The following ADAM23 variants were observed in gnomAD, a reference collection of about 807,000 sequenced individuals.
ADAM23 encodes the protein disintegrin and metalloproteinase domain-containing protein 23.
Under a neutral mutation model 120.1 loss-of-function variants are expected in ADAM23, and 33 were observed. The ratio of observed to expected loss-of-function variants is 0.27; its 90% CI spans 0.21 to 0.37. The LOEUF is 0.37. Ranked by LOEUF, ADAM23 falls within the 10% of genes least tolerant of loss-of-function variation. The pLI is 1.00. For missense variants in ADAM23, 862 were observed against 1,058.2 expected (o/e 0.81, Z 2.57); for synonymous variants, 367 against 375.2 (o/e 0.98, Z 0.25).
chr2:206,528,662 T>C (rs759587632), intron 3 of ADAM23, among the ~76,000 whole-genome samples: 1 of 152,190 alleles, frequency 6.6e-6, no homozygotes, highest in African/African-American at 2.4e-5. Context: ...GCAAAATCAT[T>C]GAGTCCTCCC....
chr2:206,482,282 T>C (rs1430454155), intron 3 of ADAM23, among the ~76,000 whole-genome samples: 1 of 152,208 alleles, frequency 6.6e-6, no homozygotes, highest in East Asian at 1.9e-4. Flanking sequence ...GAATTGCCTA[T>C]GTAAAGGTAT....
intron 15 of ADAM23, among the ~76,000 whole-genome samples, chr2:206,568,324 T>C (rs558706868): frequency 1.3e-5 from 2 of 152,344 alleles, no homozygotes; most frequent in African/African-American, 4.8e-5. Flanking sequence ...CCCTTATTCG[T>C]GTATTCTTAA....
In ADAM23 at chr2:206,578,629, G is replaced by C. The variant is rs1484019122; in HGVS notation, c.1737+5434G>C. ...TTCTTTATCCACTCATTGATTGATG[G>C]GCATTTGGGTTGGTTGATGGTCATT... On this transcript the variant is annotated intron_variant, in intron 18 of 25. Coordinates refer to ENST00000264377, the MANE Select transcript of ADAM23 (RefSeq NM_003812.4). Among the ~76,000 whole-genome samples, 3 of 151,944 alleles carry C rather than the reference G, an allele frequency of 2.0e-5. No homozygotes were observed. The South Asian group carries it at 6.2e-4, about 32-fold the overall frequency.
At chr2:206,585,788 T>C (rs777583718) in intron 18 of ADAM23, among the ~76,000 whole-genome samples, 6 of 151,864 alleles carry the variant, frequency 4.0e-5, no homozygotes, top group African/African-American at 1.5e-4. Context: ...GTAAAACTTA[T>C]GAATTGTCAG....
chr2:206,576,185 G>A (rs1698108885), intron 18 of ADAM23, among the ~76,000 whole-genome samples: 2 of 152,032 alleles, frequency 1.3e-5, no homozygotes. Flanking sequence ...TTAATGACGT[G>A]TATTGACAAT....
At chr2:206,579,940 G>C (rs1029902512) in intron 18 of ADAM23, among the ~76,000 whole-genome samples, 2 of 151,648 alleles carry the variant, frequency 1.3e-5, no homozygotes, top group Admixed American at 6.6e-5. Context: ...TTGACCCTTT[G>C]TTAGGTATAT....
chr2:206,541,909 A>G (rs1030436217), intron 4 of ADAM23, 143 bp from the exon 5 acceptor site: 11 of 789,206 alleles, frequency 1.4e-5, no homozygotes, highest in Admixed American at 2.7e-5. Context: ...CTTATTTGCA[A>G]CTTTATATAG....
Position 206,548,361 on chromosome 2 carries a change from G to T in ADAM23, c.867+7G>T. 1 of 1,606,662 alleles carries T rather than the reference G, an allele frequency of 6.2e-7. No individual in the cohort carries two copies. The highest frequency in any genetic ancestry group is 8.5e-7 in the Non-Finnish European group (1 of 1,179,716). ...AAGGAAGAGAGCAGTGAATGTGAGT[G>T]TGGCATTGAGCCTTGGGTGGGCCTA... On this transcript the variant is annotated splice_region_variant and intron_variant, in intron 8 of 25. Transcript: ENST00000264377.
intron 12 of ADAM23, among the ~76,000 whole-genome samples, chr2:206,561,593 TG>T (rs1697768115): frequency 6.6e-6 from 1 of 152,150 alleles, no homozygotes; most frequent in South Asian, 2.1e-4. Flanking sequence ...CAGTACTGTA[TG>T]TTTTTTTCTC....
chr2:206,571,647 T>C, intron 16 of ADAM23, 80 bp from the exon 17 acceptor site: 1 of 945,174 alleles, frequency 1.1e-6, no homozygotes, highest in Non-Finnish European at 1.7e-6. Flanking sequence ...TCATTTGGAA[T>C]ATGCATGCCA....
chr2:206,603,902 C>T (rs959082123), intron 24 of ADAM23, among the ~76,000 whole-genome samples: 2 of 150,170 alleles, frequency 1.3e-5, no homozygotes, highest in African/African-American at 4.9e-5. Flanking sequence ...ATAAAAATTG[C>T]AGAAGTCATA....
chr2:206,570,658 G>A (rs62194500), intron 15 of ADAM23, 82 bp from the exon 16 acceptor site: 1 of 1,035,194 alleles, frequency 9.7e-7, no homozygotes, highest in Non-Finnish European at 1.5e-6. Flanking sequence ...TGATTATACG[G>A]CCATTGTATG....
At chr2:206,531,901 G>A (rs767586032) in intron 4 of ADAM23, among the ~76,000 whole-genome samples, 2 of 152,150 alleles carry the variant, frequency 1.3e-5, no homozygotes, top group African/African-American at 4.8e-5. Context: ...ATGTTTATAG[G>A]TGTCCTTCAT....
intron 2 of ADAM23, among the ~76,000 whole-genome samples, chr2:206,466,934 T>TAGG (rs1377300783): frequency 6.6e-6 from 1 of 151,910 alleles, no homozygotes; most frequent in Non-Finnish European, 1.5e-5. Context: ...ATGGCAGGAG[T>TAGG]AGGACCGAGA....
chr2:206,514,753 A>G (rs1209510947), intron 3 of ADAM23, among the ~76,000 whole-genome samples: 1 of 152,176 alleles, frequency 6.6e-6, no homozygotes, highest in African/African-American at 2.4e-5. Flanking sequence ...ATTTCAATAA[A>G]TTGGCACAGC....
intron 9 of ADAM23, among the ~76,000 whole-genome samples, chr2:206,553,713 C>G (rs1179290301): frequency 6.6e-6 from 1 of 151,996 alleles, no homozygotes; most frequent in African/African-American, 2.4e-5. Context: ...AGTAGTATAT[C>G]AGAACTTACT....
chr2:206,594,082 G>A (rs115635211), intron 22 of ADAM23, among the ~76,000 whole-genome samples: 3,761 of 151,926 alleles, frequency 0.025, 90 homozygotes, highest in Non-Finnish European at 0.034. Context: ...TGTAGCCCAG[G>A]AGCAATAGAC....
chr2:206,525,240 A>G (rs529984935), intron 3 of ADAM23, among the ~76,000 whole-genome samples: 4 of 152,284 alleles, frequency 2.6e-5, no homozygotes, highest in African/African-American at 9.6e-5. Context: ...GTGGGCCTCT[A>G]GGTTCCTTCA....
chr2:206,610,561 GA>G (rs911376026), intron 25 of ADAM23, among the ~76,000 whole-genome samples: 2 of 152,200 alleles, frequency 1.3e-5, no homozygotes, highest in Non-Finnish European at 2.9e-5. Flanking sequence ...ATCAGAATTT[GA>G]AAAATGTGGC....
Sources: gnomAD v4.1 joint callset for allele counts (sites outside exome capture counted in the v4.1 genomes callset) on GRCh38, gnomAD v4.1.1 for gene constraint, MANE v1.5 for transcripts, NCBI Gene and HGNC (gene_info 2026-07-23, HGNC 2026-07-21) for gene names.